PPP1R13B: variants seen among roughly 807,000 people sequenced by gnomAD.
PPP1R13B encodes protein phosphatase 1 regulatory subunit 13B.
A neutral mutation model predicts 119.8 loss-of-function variants in PPP1R13B; 44 were observed. The ratio of observed to expected loss-of-function variants is 0.37; its 90% confidence interval spans 0.29 to 0.47. The LOEUF is 0.47. PPP1R13B is among the 20% of genes least tolerant of loss of function. The pLI is 0.99. For synonymous variants in PPP1R13B, 542 were observed against 561.5 expected, an observed-to-expected ratio of 0.97 and a Z score of 0.49; for missense variants, 1,227 against 1,413.5, an observed-to-expected ratio of 0.87 and a Z score of 2.12.
At chr14:103,843,331 G>A (rs1382873858) in intron 1 of PPP1R13B, among the ~76,000 whole-genome samples, 1 of 151,946 alleles carries the variant, frequency 6.6e-6, no homozygotes, top group Non-Finnish European at 1.5e-5. Flanking sequence ...CTGAGATCCT[G>A]CCACTGCACT....
chr14:103,733,205 C>A lies in PPP1R13B; in HGVS notation c.*1949G>T. On this transcript the variant is annotated 3_prime_UTR_variant, in exon 17 of 17. Transcript: ENST00000202556. ...GCAATATGTTCACAGTTTATTAATG[C>A]TTTAAACAGCTTCATGTTTTAGAAT... is the stretch of plus-strand genomic sequence containing the variant. 1.5e-6 allele frequency: 1 copy of A among 683,660 alleles called. No homozygotes were observed. Among genetic ancestry groups the A allele is most frequent in the Non-Finnish European group, 2.4e-6 (1 of 411,934 alleles). 42.3% of individuals were successfully genotyped at this position (683,660 alleles called of 1,614,324 possible).
intron 8 of PPP1R13B, among the ~76,000 whole-genome samples, chr14:103,748,142 T>C (rs2084440458): frequency 6.6e-6 from 1 of 152,076 alleles, no homozygotes; most frequent in Non-Finnish European, 1.5e-5. Context: ...TGGTTCTCTT[T>C]CTCTAGGAAG....
intron 1 of PPP1R13B, among the ~76,000 whole-genome samples, chr14:103,844,169 T>C (rs554488374): frequency 7.3e-5 from 11 of 151,256 alleles, no homozygotes; most frequent in African/African-American, 2.4e-4. Flanking sequence ...CGGGAGGCTG[T>C]GGCATGAGAA....
intron 4 of PPP1R13B, among the ~76,000 whole-genome samples, chr14:103,768,361 A>G (rs557764078): frequency 6.6e-6 from 1 of 152,190 alleles, no homozygotes; most frequent in East Asian, 1.9e-4. Flanking sequence ...AAGTGGTGCC[A>G]TCTTGGCTCA....
At chr14:103,824,365 A>G (rs1299504423) in intron 1 of PPP1R13B, among the ~76,000 whole-genome samples, 4 of 147,582 alleles carry the variant, frequency 2.7e-5, no homozygotes, top group Non-Finnish European at 6.0e-5. Flanking sequence ...TTTTAAGGCT[A>G]TTTCTCTATA....
chr14:103,844,801 T>C (rs1268005369), intron 1 of PPP1R13B, among the ~76,000 whole-genome samples: 1 of 152,150 alleles, frequency 6.6e-6, no homozygotes, highest in Non-Finnish European at 1.5e-5. Flanking sequence ...TAAAATATAC[T>C]CTAAGCCTAT....
chr14:103,770,214 A>C (rs534808023), intron 4 of PPP1R13B, among the ~76,000 whole-genome samples: 32 of 152,108 alleles, frequency 2.1e-4, no homozygotes, highest in Non-Finnish European at 4.1e-4. Flanking sequence ...AATTTTAATC[A>C]TAAGACTTAT....
chr14:103,844,259 C>T (rs1462214398), intron 1 of PPP1R13B, among the ~76,000 whole-genome samples: 2 of 150,380 alleles, frequency 1.3e-5, no homozygotes, highest in East Asian at 2.0e-4. Flanking sequence ...AGGAGTGAAA[C>T]CCTGTCTCGA....
At position 103,802,552 on chromosome 14, in the gene PPP1R13B, G is replaced by A. The variant is rs369383348; in HGVS notation, c.10-5034C>T. Among the ~76,000 whole-genome samples the A allele has an allele frequency of 1.4e-4, 21 of 152,232 alleles. No individual in the cohort carries two copies. The South Asian group carries it at 2.9e-3, about 21-fold the overall frequency. On this transcript the variant is annotated intron_variant, in intron 1 of 16. Transcript: ENST00000202556. ...CCACGGTTTGCTCTCAACGCTCTGA[G>A]CTAGCAAAACATTTGCACAATCATT...
At position 103,770,028 on chromosome 14, in the gene PPP1R13B, C is replaced by T. The variant is rs565709330; in HGVS notation, c.354+8717G>A. On this transcript the variant is annotated intron_variant, in intron 4 of 16. Transcript: ENST00000202556. ...CCTATCCCCTGCAATAGTACTACAA[C>T]ATGCTATTTTAGTCTATAAATGTGA... Among the ~76,000 whole-genome samples the T allele has an allele frequency of 2.6e-4, 40 of 152,026 alleles. 1 individual carries two copies. Among genetic ancestry groups the T allele is most frequent in the Non-Finnish European group, 4.1e-4 (28 of 67,992 alleles).
intron 4 of PPP1R13B, chr14:103,764,107 T>C (rs895383013): frequency 6.5e-6 from 1 of 153,876 alleles, no homozygotes; most frequent in Non-Finnish European, 1.4e-5. Context: ...CGAGCAGATA[T>C]TTCATTTCTC....
intron 5 of PPP1R13B, among the ~76,000 whole-genome samples, chr14:103,756,618 C>G (rs1277227290): frequency 6.6e-6 from 1 of 152,218 alleles, no homozygotes; most frequent in East Asian, 1.9e-4. Context: ...CGTTAACCAC[C>G]TGTCATTGTC....
chr14:103,834,579 GTCTTT>G (rs1354187002), intron 1 of PPP1R13B, among the ~76,000 whole-genome samples: 1 of 128,768 alleles, frequency 7.8e-6, no homozygotes, highest in Non-Finnish European at 1.6e-5. Flanking sequence ...AAATTTTAAT[GTCTTT>G]TTTTTTTTTT....
Position 103,753,065 on chromosome 14 carries a change from A to C in PPP1R13B, c.763T>G (p.Ser255Ala). Reference protein sequence around the residue: ...LKKGKLNGFQSYNGKLTGPAA... With the variant: ...LKKGKLNGFQAYNGKLTGPAA... Reference sequence around the variant, plus strand: ...GGTCCCGTCAATTTGCCATTGTAAGACTGGAACCCATTCAGTTTTCCTTTC... The same window carrying C: ...GGTCCCGTCAATTTGCCATTGTAAGCCTGGAACCCATTCAGTTTTCCTTTC... Residue 255 changes from serine to alanine, a missense_variant, in exon 7 of 17, where the codon TCT (serine) becomes GCT (alanine). Coordinates refer to ENST00000202556, the MANE Select transcript of PPP1R13B (RefSeq NM_015316.3). The C allele has an allele frequency of 6.2e-7, 1 of 1,614,168 alleles. No individual in the cohort carries two copies.
rs557557719 is a variant in PPP1R13B, at chr14:103,834,345, T to C, written c.9+12954A>G. 4.6e-5 allele frequency among the ~76,000 whole-genome samples: 7 copies of C among 152,142 alleles called. No homozygotes were observed. In the South Asian group the frequency reaches 1.2e-3, roughly 27 times the overall value. On this transcript the variant is annotated intron_variant, in intron 1 of 16. Transcript: ENST00000202556. ...GAGCCAAGATCATGCCAGTGCACTC[T>C]AGCCTCGGTGACAGAGTGAGACTCT... is the stretch of plus-strand genomic sequence containing the variant.
intron 3 of PPP1R13B, among the ~76,000 whole-genome samples, chr14:103,781,657 T>C (rs892985926): frequency 2.0e-5 from 3 of 152,194 alleles, no homozygotes; most frequent in Non-Finnish European, 4.4e-5. Flanking sequence ...GTTTTGTTTT[T>C]GTTGTTGTTT....
At chr14:103,789,636 CTT>C (rs2085565552) in intron 2 of PPP1R13B, among the ~76,000 whole-genome samples, 1 of 152,094 alleles carries the variant, frequency 6.6e-6, no homozygotes. Context: ...GCCTCAGCCT[CTT>C]GAGTAGCTGG....
At chr14:103,839,922 T>C (rs1479124776) in intron 1 of PPP1R13B, among the ~76,000 whole-genome samples, 2 of 152,238 alleles carry the variant, frequency 1.3e-5, no homozygotes, top group African/African-American at 4.8e-5. Context: ...ACATCAATAA[T>C]GCCACTAACA....
At position 103,738,983 on chromosome 14, in the gene PPP1R13B, G is replaced by A. The variant is rs766169111; in HGVS notation, c.2633C>T (p.Thr878Met). Reference protein sequence around the residue: ...TNLKKPNSERTGHGLRVRFNP... With the variant: ...TNLKKPNSERMGHGLRVRFNP... ...AAACCGGACTCTCAGCCCGTGCCCC[G>A]TCCGCTCCGAGTTGGGCTTCTTCAA... The change falls in exon 13 of 17, where the codon ACG becomes ATG. Residue 878 changes from threonine (T) to methionine (M), a missense_variant. Transcript: ENST00000202556. The surrounding 1 kb of genome is among the most constrained non-coding windows in gnomAD (Gnocchi z 5.6). The A allele has an allele frequency of 1.7e-5, 28 of 1,613,912 alleles. No homozygotes were observed. The highest frequency in any genetic ancestry group is 2.2e-5 in the East Asian group (1 of 44,888).
Sources: gnomAD v4.1 joint callset for allele counts (sites outside exome capture counted in the v4.1 genomes callset) on GRCh38, gnomAD v4.1.1 for gene constraint, Gnocchi (gnomAD v3.1) non-coding constraint, MANE v1.5 for transcripts, NCBI Gene and HGNC (gene_info 2026-07-23, HGNC 2026-07-21) for gene names.